The following UTRN variants were observed in gnomAD, a reference collection of about 807,000 sequenced individuals.
UTRN encodes the protein dystrophin-related protein 1.
Under a neutral mutation model 463.9 loss-of-function variants are expected in UTRN, and 283 were observed. That is an observed-to-expected ratio of 0.61 (90% CI 0.55 to 0.67). UTRN has a LOEUF of 0.67. UTRN is among the 30% of genes least tolerant of loss of function. UTRN has a pLI of 0.00. For synonymous variants in UTRN, 1,442 were observed against 1,431.5 expected (o/e 1.01, Z -0.17); for missense variants, 3,922 against 4,084.3 (o/e 0.96, Z 1.08).
At chr6:144,757,236 T>TAAAAAAAAAAAAAAAAAAAAAAAAAAAAA (rs375711274) in intron 57 of UTRN, among the ~76,000 whole-genome samples, 1 of 115,544 alleles carries the variant, frequency 8.7e-6, no homozygotes, top group African/African-American at 3.2e-5. Flanking sequence ...ACTAGAATTG[T>TAAAAAAAAAAAAAAAAAAAAAAAAAAAAA]AAAAAAAAAA....
chr6:144,838,824 T>C (rs1185625011), intron 71 of UTRN, among the ~76,000 whole-genome samples: 2 of 152,186 alleles, frequency 1.3e-5, no homozygotes, highest in Non-Finnish European at 2.9e-5. Flanking sequence ...GATTTTGAAA[T>C]TGGATAAATT....
chr6:144,300,291 T>A (rs1173643661), intron 2 of UTRN, among the ~76,000 whole-genome samples: 1 of 152,166 alleles, frequency 6.6e-6, no homozygotes, highest in African/African-American at 2.4e-5. Context: ...GGTTTCACCA[T>A]GTCAGCCAGG....
rs972590869 is a variant in UTRN at position 144,849,357 on chromosome 6, C to A, written c.10294-1632C>A. 2.6e-5 allele frequency among the ~76,000 whole-genome samples: 4 copies of A among 152,190 alleles called. No individual in the cohort carries two copies. The East Asian group carries it at 7.7e-4, about 29-fold the overall frequency. On this transcript the variant is annotated intron_variant, in intron 74 of 74. Coordinates refer to ENST00000367545, the MANE Select transcript of UTRN (RefSeq NM_007124.3). ...CCAGGTGGAATGAGGCTGTGAGTGA[C>A]AAAGGCAAGGAGGGAAGAGAGAATC...
At chr6:144,432,931 T>C (rs1053763194) in intron 9 of UTRN, among the ~76,000 whole-genome samples, 4 of 152,098 alleles carry the variant, frequency 2.6e-5, no homozygotes, top group African/African-American at 9.7e-5. Context: ...ACAAAGCACA[T>C]CTTGCACCGC....
chr6:144,441,336 C>G (rs544178433), intron 13 of UTRN, among the ~76,000 whole-genome samples: 1 of 152,370 alleles, frequency 6.6e-6, no homozygotes, highest in South Asian at 2.1e-4. Context: ...GTAAATACAT[C>G]TGTTCCAAAT....
chr6:144,312,939 A>C (rs1299295432), intron 2 of UTRN, among the ~76,000 whole-genome samples: 1 of 152,228 alleles, frequency 6.6e-6, no homozygotes, highest in Non-Finnish European at 1.5e-5. Flanking sequence ...TGTACCAAAG[A>C]AACCTCAAAA....
chr6:144,465,021 C>A (rs1789799857), intron 23 of UTRN, among the ~76,000 whole-genome samples: 1 of 152,166 alleles, frequency 6.6e-6, no homozygotes, highest in Non-Finnish European at 1.5e-5. Context: ...GAGAAGACTT[C>A]CAGTGGGTAG....
At chr6:144,600,350 G>A (rs1804115119) in intron 51 of UTRN, among the ~76,000 whole-genome samples, 1 of 152,226 alleles carries the variant, frequency 6.6e-6, no homozygotes, top group Non-Finnish European at 1.5e-5. Context: ...GCATCCAACA[G>A]TTGGCCAAGT....
At chr6:144,451,261 G>A (rs1038013718) in intron 17 of UTRN, 109 bp from the exon 18 acceptor site, 80 of 1,289,430 alleles carry the variant, frequency 6.2e-5, no homozygotes, top group Admixed American at 1.2e-4. Flanking sequence ...GTTTTTGGGG[G>A]AGTGATAAAA....
chr6:144,323,121 A>G (rs59718967), intron 2 of UTRN, among the ~76,000 whole-genome samples: 7,475 of 152,090 alleles, frequency 0.049, 542 homozygotes, highest in East Asian at 0.2. Context: ...AAATGTGGAG[A>G]GTGGCACTAT....
intron 30 of UTRN, among the ~76,000 whole-genome samples, chr6:144,489,463 A>G (rs1792818941): frequency 6.6e-6 from 1 of 151,960 alleles, no homozygotes; most frequent in African/African-American, 2.4e-5. Context: ...AGTCCTGTAT[A>G]TTTTAAATTG....
chr6:144,301,571 T>G (rs1805260329), intron 2 of UTRN, among the ~76,000 whole-genome samples: 1 of 138,540 alleles, frequency 7.2e-6, no homozygotes, highest in African/African-American at 2.6e-5. Flanking sequence ...TGAGACAGGG[T>G]CTTGCTCCAT....
At chr6:144,367,178 T>G (rs1779586746) in intron 2 of UTRN, among the ~76,000 whole-genome samples, 1 of 152,118 alleles carries the variant, frequency 6.6e-6, no homozygotes, top group African/African-American at 2.4e-5. Context: ...AGAGATGGGG[T>G]TTCACCATGT....
Position 144,761,501 on chromosome 6 carries a change from G to T in UTRN, c.8495+3512G>T, listed in dbSNP as rs147600462. Among the ~76,000 whole-genome samples, 1,130 of 152,060 alleles carry T rather than the reference G, an allele frequency of 7.4e-3. 21 individuals are homozygous for T. Among genetic ancestry groups the T allele is most frequent in the South Asian group, 0.047 (224 of 4,812 alleles). ...AAAACCCCATCTCTACAAAAAATTA[G>T]CTGGGCATGGTAACATGCGCCTATA... On this transcript the variant is annotated intron_variant, in intron 58 of 74. Coordinates refer to ENST00000367545, the MANE Select transcript of UTRN (RefSeq NM_007124.3).
intron 60 of UTRN, among the ~76,000 whole-genome samples, chr6:144,781,475 T>C (rs920623570): frequency 6.6e-6 from 1 of 152,156 alleles, no homozygotes; most frequent in Non-Finnish European, 1.5e-5. Context: ...TAAGAACAAT[T>C]AGTTTGGCTG....
At chr6:144,314,323 C>T (rs1012727816) in intron 2 of UTRN, among the ~76,000 whole-genome samples, 2 of 152,208 alleles carry the variant, frequency 1.3e-5, no homozygotes, top group Non-Finnish European at 2.9e-5. Flanking sequence ...CCTGTCTGCT[C>T]AGCCTTTTAG....
chr6:144,552,819 T>A (rs1799041797), intron 48 of UTRN, among the ~76,000 whole-genome samples: 1 of 152,212 alleles, frequency 6.6e-6, no homozygotes, highest in South Asian at 2.1e-4. Context: ...TTGTTTACTG[T>A]TAAAGGATTC....
At chr6:144,760,634 A>G (rs1261050013) in intron 58 of UTRN, among the ~76,000 whole-genome samples, 1 of 152,176 alleles carries the variant, frequency 6.6e-6, no homozygotes, top group Non-Finnish European at 1.5e-5. Context: ...AAGAATTGTT[A>G]TGAAAACAAA....
intron 23 of UTRN, among the ~76,000 whole-genome samples, chr6:144,469,553 G>C (rs941698146): frequency 2.0e-5 from 3 of 152,152 alleles, no homozygotes; most frequent in African/African-American, 7.2e-5. Context: ...TGGGCACACT[G>C]TCTCTTTTAG....
Sources: gnomAD v4.1 joint callset for allele counts (sites outside exome capture counted in the v4.1 genomes callset) on GRCh38, gnomAD v4.1.1 for gene constraint, MANE v1.5 for transcripts, NCBI Gene and HGNC (gene_info 2026-07-23, HGNC 2026-07-21) for gene names.